NXN: variants seen among roughly 807,000 people sequenced by gnomAD.
The protein encoded by NXN is nucleoredoxin.
NXN carries 16 observed loss-of-function variants against 48.6 expected under a neutral mutation model. The observed-to-expected ratio is 0.33, with a 90% CI of 0.22 to 0.50. The LOEUF is 0.50. Ranked by LOEUF, NXN falls within the 20% of genes least tolerant of loss-of-function variation. The probability of loss-of-function intolerance (pLI) is 0.98; values close to 1 mark genes in which losing one functional copy is unlikely to be tolerated. For missense variants in NXN, 492 were observed against 605.5 expected (o/e 0.81, Z 1.97); for synonymous variants, 281 against 269.6 (o/e 1.04, Z -0.41).
chr17:812,199 T>C (rs1597618483), intron 5 of NXN, among the ~76,000 whole-genome samples: 3 of 152,170 alleles, frequency 2.0e-5, no homozygotes, highest in African/African-American at 7.2e-5. Flanking sequence ...AGTGCTGGGA[T>C]TACAGGCGTG....
At chr17:934,209 G>C (rs973443659) in intron 1 of NXN, among the ~76,000 whole-genome samples, 10 of 152,242 alleles carry the variant, frequency 6.6e-5, no homozygotes, top group African/African-American at 2.4e-4. Flanking sequence ...ACTTTGGGAG[G>C]CTCAGGCAGG....
intron 1 of NXN, among the ~76,000 whole-genome samples, chr17:912,322 G>A (rs1463731117): frequency 6.6e-6 from 1 of 152,072 alleles, no homozygotes; most frequent in African/African-American, 2.4e-5. Flanking sequence ...CGTTGTTTGA[G>A]GGTCAACCGT....
chr17:913,576 G>A (rs2068656813), intron 1 of NXN, among the ~76,000 whole-genome samples: 1 of 151,936 alleles, frequency 6.6e-6, no homozygotes, highest in South Asian at 2.1e-4. Context: ...AGGAAAAGAG[G>A]ATAAGGAGGC....
intron 1 of NXN, chr17:959,010 G>A (rs567885535): frequency 1.5e-4 from 34 of 231,672 alleles, no homozygotes; most frequent in South Asian, 6.4e-4. Flanking sequence ...AGAATCATGC[G>A]GATGTGCGCG....
rs71371579 is a variant in NXN at position 801,443 on chromosome 17, C to CTTTTTTTTTT, written c.1126-322_1126-313dup. Among the ~76,000 whole-genome samples the CTTTTTTTTTT allele has an allele frequency of 1.0e-3, 108 of 104,304 alleles. 8 individuals carry two copies. The highest frequency in any genetic ancestry group is 2.8e-3 in the Admixed American group (22 of 7,766). 68.4% of individuals were successfully genotyped at this position (104,304 alleles called of 152,430 possible). Reference sequence around the variant, plus strand: ...CTCAGCATTTTAGAAATGTCACATTCTTTTTTTTTTTTTTTTTTTTGAGAT... The same window carrying CTTTTTTTTTT: ...CTCAGCATTTTAGAAATGTCACATTCTTTTTTTTTTTTTTTTTTTTTTTTTTTTTTGAGAT... On this transcript the variant is annotated intron_variant, in intron 7 of 7. Coordinates refer to ENST00000336868, the MANE Select transcript of NXN (RefSeq NM_022463.5).
chr17:810,760 A>G (rs1402545672), intron 5 of NXN, among the ~76,000 whole-genome samples: 1 of 152,028 alleles, frequency 6.6e-6, no homozygotes, highest in Non-Finnish European at 1.5e-5. Context: ...GTGGTAGCGC[A>G]CCCCTGTACT....
At chr17:905,549 T>C (rs561993856) in intron 1 of NXN, among the ~76,000 whole-genome samples, 2 of 152,272 alleles carry the variant, frequency 1.3e-5, no homozygotes, top group South Asian at 4.1e-4. Context: ...CGTAGTAAAA[T>C]ATGAGACATG....
intron 1 of NXN, among the ~76,000 whole-genome samples, chr17:970,637 CG>C (rs1432821837): frequency 6.6e-6 from 1 of 152,104 alleles, no homozygotes; most frequent in Non-Finnish European, 1.5e-5. Context: ...CTCCTCCATG[CG>C]GAACGTTTGA....
rs550499244 is a variant in NXN at position 868,657 on chromosome 17, CA to C, written c.361-42580del. ...CAGGCGCCCACCACCACGCCCGGATCATTTTTTTGTATTTTTAGTAGAGACG... is the reference window on the plus strand; with the variant it reads ...CAGGCGCCCACCACCACGCCCGGATCTTTTTTTGTATTTTTAGTAGAGACG... On this transcript the variant is annotated intron_variant, in intron 1 of 7. Transcript: ENST00000336868. Among the ~76,000 whole-genome samples, 35 of 152,084 alleles carry C rather than the reference CA, an allele frequency of 2.3e-4. No homozygotes were observed. In the East Asian group the frequency reaches 6.2e-3, roughly 27 times the overall value.
At chr17:803,869 G>A (rs1033082863) in intron 6 of NXN, 63 bp from the exon 7 acceptor site, 75 of 1,587,946 alleles carry the variant, frequency 4.7e-5, no homozygotes, top group South Asian at 8.9e-5. Flanking sequence ...CAAACAGAGC[G>A]GCACCCGCCG....
chr17:802,493 C>A (rs370726682), intron 7 of NXN, among the ~76,000 whole-genome samples: 1 of 152,194 alleles, frequency 6.6e-6, no homozygotes, highest in African/African-American at 2.4e-5. Context: ...GTACAGAAAA[C>A]CTGCAAATGC....
At chr17:936,804 C>T (rs917339383) in intron 1 of NXN, among the ~76,000 whole-genome samples, 1 of 150,944 alleles carries the variant, frequency 6.6e-6, no homozygotes, top group African/African-American at 2.4e-5. Flanking sequence ...AGTCACACTT[C>T]CCCACATAAG....
At chr17:805,800 T>C (rs1266425257) in intron 5 of NXN, among the ~76,000 whole-genome samples, 1 of 152,144 alleles carries the variant, frequency 6.6e-6, no homozygotes, top group African/African-American at 2.4e-5. Context: ...ATTGCACCAC[T>C]GCACTCCAGC....
intron 1 of NXN, among the ~76,000 whole-genome samples, chr17:951,617 C>T (rs1198114254): frequency 6.6e-6 from 1 of 151,906 alleles, no homozygotes; most frequent in African/African-American, 2.4e-5. Context: ...AGACAAACCT[C>T]CTGATCCAGG....
chr17:843,135 T>C (rs1211930697), intron 1 of NXN, among the ~76,000 whole-genome samples: 3 of 152,208 alleles, frequency 2.0e-5, no homozygotes, highest in Non-Finnish European at 4.4e-5. Context: ...GTTAAAATAA[T>C]GGCCACGAAT....
intron 1 of NXN, among the ~76,000 whole-genome samples, chr17:834,090 C>A (rs143558606): frequency 6.6e-6 from 1 of 152,116 alleles, no homozygotes. Context: ...GGGGACGAGG[C>A]GGGTGGATCG....
intron 1 of NXN, among the ~76,000 whole-genome samples, chr17:871,652 G>A (rs1198921028): frequency 6.6e-6 from 1 of 151,802 alleles, no homozygotes; most frequent in Non-Finnish European, 1.5e-5. Flanking sequence ...TGATCCACCT[G>A]CCTCAGCCTC....
chr17:836,328 G>A (rs1567824923), intron 1 of NXN, among the ~76,000 whole-genome samples: 1 of 152,172 alleles, frequency 6.6e-6, no homozygotes, highest in Non-Finnish European at 1.5e-5. Context: ...CAAAGCCAAC[G>A]CAGATGTAGG....
intron 1 of NXN, among the ~76,000 whole-genome samples, chr17:955,177 T>C (rs1328088994): frequency 1.3e-5 from 2 of 148,378 alleles, no homozygotes; most frequent in Non-Finnish European, 3.0e-5. Flanking sequence ...TTTTTTTTTT[T>C]TTTTTCCTGA....
Sources: allele counts gnomAD v4.1 joint callset (sites outside exome capture counted in the v4.1 genomes callset), GRCh38; gene constraint gnomAD v4.1.1; transcripts MANE v1.5; gene names NCBI Gene and HGNC (gene_info 2026-07-23, HGNC 2026-07-21).